Variants in MGA observed in about 807,000 individuals in gnomAD.
MGA encodes the protein MAX gene-associated protein.
In MGA, 40 loss-of-function variants were observed where a neutral mutation model predicts 261.1. The ratio of observed to expected loss-of-function variants is 0.15; its 90% CI spans 0.12 to 0.20. The LOEUF (loss-of-function observed/expected upper bound fraction) is 0.20. Ranked by LOEUF, MGA falls within the 10% of genes least tolerant of loss-of-function variation. The probability of loss-of-function intolerance (pLI) is 1.00; values close to 1 mark genes in which losing one functional copy is unlikely to be tolerated. For missense variants in MGA, 3,397 were observed against 3,630.5 expected (o/e 0.94, Z 1.65); for synonymous variants, 1,302 against 1,290.6 (o/e 1.01, Z -0.19).
intron 20 of MGA, among the ~76,000 whole-genome samples, chr15:41,760,885 C>T (rs994343089): frequency 7.2e-5 from 11 of 152,162 alleles, no homozygotes; most frequent in South Asian, 2.1e-4. Flanking sequence ...TTCAGGCTTG[C>T]GCCACCACAC....
chr15:41,638,560 T>A (rs2056755975), intron 1 of MGA, among the ~76,000 whole-genome samples: 1 of 151,606 alleles, frequency 6.6e-6, no homozygotes, highest in African/African-American at 2.4e-5. Context: ...GTAGACGGGG[T>A]CTTCCTATGT....
intron 2 of MGA, chr15:41,684,722 T>C (rs1267198468): frequency 6.0e-6 from 1 of 166,478 alleles, no homozygotes; most frequent in Non-Finnish European, 1.3e-5. Context: ...AATGTGAAGA[T>C]ATCGAGAGAA....
At position 41,764,777 on chromosome 15, in the gene MGA, C is replaced by G. The variant is rs1325502009; in HGVS notation, c.7745-109C>G. The G allele has an allele frequency of 5.4e-6, 6 of 1,101,906 alleles. No individual in the cohort carries two copies. In the African/African-American group the frequency reaches 9.4e-5, roughly 17 times the overall value. The allele number at this position is 1,101,906 out of a possible 1,614,324, so 68.3% of individuals were successfully genotyped here. A position where few individuals can be genotyped will look rare whatever the true frequency, so the allele number is the denominator to read the frequency against. ...CAGGCTGGTCTTGAACTCCTGGGCT[C>G]AAGTGATCTGCCTGCCTCAGCCTCC... On this transcript the variant is annotated intron_variant, in intron 22 of 23. Coordinates refer to ENST00000219905, the MANE Select transcript of MGA (RefSeq NM_001164273.2).
intron 12 of MGA, among the ~76,000 whole-genome samples, chr15:41,735,543 C>T (rs2061728890): frequency 6.6e-6 from 1 of 152,132 alleles, no homozygotes; most frequent in African/African-American, 2.4e-5. Context: ...CCAAGACCAT[C>T]CTGGCCAACA....
At position 41,736,703 on chromosome 15, in the gene MGA, G is replaced by T; in HGVS notation, c.4434+5G>T. On this transcript the variant is annotated splice_donor_5th_base_variant and intron_variant, in intron 13 of 23. Coordinates refer to ENST00000219905, the MANE Select transcript of MGA (RefSeq NM_001164273.2). ...AGTACATCTGGGCTTATCCAGGTGA[G>T]AATTATCTTTAATCTGGGTATAGCA... 6.3e-7 allele frequency: 1 copy of T among 1,591,434 alleles called. No individual in the cohort carries two copies. The highest frequency in any genetic ancestry group is 1.1e-5 in the South Asian group (1 of 86,968).
At chr15:41,752,549 GTTTTTTTTT>G (rs35282917) in intron 17 of MGA, among the ~76,000 whole-genome samples, 2 of 102,146 alleles carry the variant, frequency 2.0e-5, no homozygotes, top group Non-Finnish European at 3.7e-5. Context: ...AACCTTTAAA[GTTTTTTTTT>G]TTTTTTTTTT....
chr15:41,708,090 T>G lies in MGA; in HGVS notation c.2321-14T>G. Reference sequence around the variant, plus strand: ...CTAGAATTTTGGTCATCTGTTTGACTTTTTCTTTTATAGATGCGGGATTTC... The same window carrying G: ...CTAGAATTTTGGTCATCTGTTTGACGTTTTCTTTTATAGATGCGGGATTTC... On this transcript the variant is annotated splice_polypyrimidine_tract_variant and intron_variant, in intron 6 of 23. Transcript: ENST00000219905. The G allele has an allele frequency of 6.4e-7, 1 of 1,552,048 alleles. No homozygotes were observed. The highest frequency in any genetic ancestry group is 8.7e-7 in the Non-Finnish European group (1 of 1,150,540).
At position 41,713,979 on chromosome 15, in the gene MGA, G is replaced by T. The variant is rs141725440; in HGVS notation, c.3430+483G>T. On this transcript the variant is annotated intron_variant, in intron 9 of 23. Transcript: ENST00000219905. ...CATCATGTACTGTGTTGAAAATTGG[G>T]TTTTTTTTTGGTGGGAGAGGATAAA... 5.8e-4 allele frequency among the ~76,000 whole-genome samples: 88 copies of T among 151,180 alleles called. No homozygotes were observed. The East Asian group carries it at 0.015, about 26-fold the overall frequency.
At chr15:41,643,081 T>C (rs1040728432) in intron 1 of MGA, among the ~76,000 whole-genome samples, 1 of 149,840 alleles carries the variant, frequency 6.7e-6, no homozygotes, top group Non-Finnish European at 1.5e-5. Context: ...TATTTTTTAT[T>C]TTTTTTTTAG....
At chr15:41,682,144 T>C (rs1249248620) in intron 2 of MGA, among the ~76,000 whole-genome samples, 2 of 152,188 alleles carry the variant, frequency 1.3e-5, no homozygotes, top group Non-Finnish European at 2.9e-5. Context: ...CTCGAACTCC[T>C]GACCTCAGGT....
At chr15:41,708,647 A>G (rs1320145668) in intron 7 of MGA, among the ~76,000 whole-genome samples, 1 of 152,164 alleles carries the variant, frequency 6.6e-6, no homozygotes, top group African/African-American at 2.4e-5. Flanking sequence ...AACTGAAAAT[A>G]CTTGTCTTGC....
At chr15:41,761,688 T>C in intron 20 of MGA, 51 bp from the exon 21 acceptor site, 3 of 1,220,846 alleles carry the variant, frequency 2.5e-6, no homozygotes, top group East Asian at 2.6e-5. Flanking sequence ...CTTAGCTGTG[T>C]TTAAAGAAAG....
intron 2 of MGA, among the ~76,000 whole-genome samples, chr15:41,676,939 C>T (rs879314175): frequency 7.9e-5 from 12 of 152,204 alleles, no homozygotes; most frequent in Non-Finnish European, 1.8e-4. Flanking sequence ...CTTTCCCCCC[C>T]AAAATCCCAT....
rs1367362280 is a variant in MGA, at chr15:41,750,530, A to T, written c.6923A>T (p.Asp2308Val). ...GATTTGGAAGAAGATGATGAAGATG[A>T]TAATGAGAAAACTGATGATTCTATT... Residue 2308 changes from aspartate to valine, a missense_variant, in exon 17 of 24, where the codon GAT becomes GTT. Physicochemically the swap from Asp to Val is radical, Grantham distance 152. This residue lies in a region of MGA where 1,410 missense variants were observed against 1,386.4 expected (regional missense o/e 1.02). Coordinates refer to ENST00000219905, the MANE Select transcript of MGA (RefSeq NM_001164273.2). 2 of 1,613,236 alleles carry T rather than the reference A, an allele frequency of 1.2e-6. No individual in the cohort carries two copies. Among genetic ancestry groups the T allele is most frequent in the Admixed American group, 1.7e-5 (1 of 59,858 alleles).
intron 2 of MGA, among the ~76,000 whole-genome samples, chr15:41,682,741 A>G (rs983551533): frequency 3.9e-5 from 6 of 152,022 alleles, no homozygotes; most frequent in African/African-American, 1.2e-4. Context: ...TCAGCCTCCC[A>G]AAGTGCTGGG....
intron 9 of MGA, among the ~76,000 whole-genome samples, chr15:41,716,656 T>C (rs1277186307): frequency 6.6e-6 from 1 of 152,098 alleles, no homozygotes; most frequent in Non-Finnish European, 1.5e-5. Context: ...TAAAAAAAAG[T>C]AAGTTATGAA....
intron 2 of MGA, among the ~76,000 whole-genome samples, chr15:41,687,474 A>C (rs4923908): frequency 0.74 from 112,790 of 152,020 alleles, 43,419 homozygotes; most frequent in East Asian, 0.89. Context: ...ACTGTATGGA[A>C]TGCAAAGCCT....
chr15:41,693,592 A>C (rs759567761), intron 2 of MGA, among the ~76,000 whole-genome samples: 7 of 152,116 alleles, frequency 4.6e-5, no homozygotes, highest in Non-Finnish European at 8.8e-5. Flanking sequence ...GTAGTGAAAA[A>C]AATAGTACTT....
In MGA at chr15:41,750,093, A is replaced by T. The variant is rs1259594740; in HGVS notation, c.6486A>T (p.Glu2162Asp). ...TACAGCCAGAGGCCAAAGAGAAGGA[A>T]TGTGGAGACTCTCTGGAGAAAGACA... Residue 2162 changes from glutamate to aspartate, a missense_variant, in exon 17 of 24, where the codon GAA becomes GAT. Transcript: ENST00000219905. 1 of 1,613,350 alleles carries T rather than the reference A, an allele frequency of 6.2e-7. No homozygotes were observed. The highest frequency in any genetic ancestry group is 8.5e-7 in the Non-Finnish European group (1 of 1,179,710).
Sources: gnomAD v4.1 joint callset for allele counts (sites outside exome capture counted in the v4.1 genomes callset) on GRCh38, gnomAD v4.1.1 for gene constraint, gnomAD v4.1.1 regional missense constraint, MANE v1.5 for transcripts, NCBI Gene and HGNC (gene_info 2026-07-23, HGNC 2026-07-21) for gene names.